BRCA1: variants seen among roughly 807,000 people sequenced by gnomAD.
The protein encoded by BRCA1 is breast cancer type 1 susceptibility protein.
Under a neutral mutation model 173.7 loss-of-function variants are expected in BRCA1, and 140 were observed. The observed-to-expected ratio is 0.81, with a 90% CI of 0.70 to 0.93. The LOEUF (loss-of-function observed/expected upper bound fraction) is 0.93. Ranked by LOEUF, BRCA1 falls within the 40% of genes least tolerant of loss-of-function variation. The probability of loss-of-function intolerance (pLI) is 0.00; values close to 1 mark genes in which losing one functional copy is unlikely to be tolerated. For missense variants in BRCA1, 1,983 were observed against 2,172.5 expected, an observed-to-expected ratio of 0.91 and a Z score of 1.73; for synonymous variants, 662 against 756.0, an observed-to-expected ratio of 0.88 and a Z score of 2.04.
chr17:43,061,504 G>A (rs978653367), intron 18 of BRCA1, among the ~76,000 whole-genome samples: 2 of 151,664 alleles, frequency 1.3e-5, no homozygotes, highest in African/African-American at 4.8e-5. Flanking sequence ...AATAGCCACT[G>A]AATAAAAGTT....
intron 12 of BRCA1, among the ~76,000 whole-genome samples, chr17:43,080,196 T>A (rs1197988095): frequency 1.3e-5 from 2 of 152,202 alleles, no homozygotes; most frequent in Admixed American, 1.3e-4. Context: ...ACCAAACATT[T>A]AATAAACTTA....
At chr17:43,062,046 AAC>A (rs1441010508) in intron 18 of BRCA1, among the ~76,000 whole-genome samples, 4 of 152,090 alleles carry the variant, frequency 2.6e-5, no homozygotes, top group African/African-American at 9.7e-5. Flanking sequence ...CTGAATTATA[AAC>A]AGATACATTT....
At position 43,057,356 on chromosome 17, in the gene BRCA1, A is replaced by G. The variant is rs111611613; in HGVS notation, c.5194-221T>C. 4.7e-3 allele frequency among the ~76,000 whole-genome samples: 708 copies of G among 152,056 alleles called. 10 individuals carry two copies. The highest frequency in any genetic ancestry group is 0.016 in the African/African-American group (656 of 41,480). ...GAAACCTCATCTCTACTAAAAATAC[A>G]AAAAATTAGTTGGGCGTGGTGGCAG... is the stretch of plus-strand genomic sequence containing the variant. On this transcript the variant is annotated intron_variant, in intron 18 of 22. Transcript: ENST00000357654.
chr17:43,061,087 C>G (rs2051730341), intron 18 of BRCA1, among the ~76,000 whole-genome samples: 1 of 152,108 alleles, frequency 6.6e-6, no homozygotes, highest in African/African-American at 2.4e-5. Flanking sequence ...GATTGTGCCA[C>G]TGCACTCCAG....
chr17:43,067,740 A>T lies in BRCA1; in HGVS notation c.4987-45T>A, dbSNP rs186304766. ...TCCATTATCATGAGTTACCTCTAGC[A>T]CACAGCTCAGAATACTAGTTATTCC... is the stretch of plus-strand genomic sequence containing the variant. On this transcript the variant is annotated intron_variant, in intron 15 of 22. Coordinates refer to ENST00000357654, the MANE Select transcript of BRCA1 (RefSeq NM_007294.4). The T allele has an allele frequency of 3.4e-6, 5 of 1,468,376 alleles. No individual in the cohort carries two copies. The Admixed American group carries it at 6.7e-5, about 20-fold the overall frequency. The allele number at this position is 1,468,376 out of a possible 1,614,324, so 91.0% of individuals were successfully genotyped here.
intron 1 of BRCA1, among the ~76,000 whole-genome samples, chr17:43,137,499 G>C (rs554991956): frequency 2.0e-5 from 3 of 151,884 alleles, no homozygotes; most frequent in Admixed American, 6.6e-5. Context: ...GCGAGCGTGT[G>C]AGTTGGAAGG....
At chr17:43,059,750 C>G (rs1487661330) in intron 18 of BRCA1, among the ~76,000 whole-genome samples, 2 of 152,152 alleles carry the variant, frequency 1.3e-5, no homozygotes, top group Non-Finnish European at 2.9e-5. Flanking sequence ...TTTTAACCAT[C>G]TCCACACCAC....
chr17:43,136,271 T>C (rs568400440), intron 1 of BRCA1, among the ~76,000 whole-genome samples: 11 of 152,260 alleles, frequency 7.2e-5, no homozygotes, highest in African/African-American at 1.9e-4. Flanking sequence ...TTACACCTTA[T>C]ACAAAAATTA....
upstream of BRCA1, among the ~76,000 whole-genome samples, chr17:43,128,933 C>T (rs923401695): frequency 6.6e-6 from 1 of 151,630 alleles, no homozygotes; most frequent in Admixed American, 6.6e-5. Context: ...GCTGGGATTA[C>T]AGGCATGAGC....
chr17:43,078,886 C>T (rs544293039), intron 12 of BRCA1, among the ~76,000 whole-genome samples: 36 of 152,156 alleles, frequency 2.4e-4, no homozygotes, highest in African/African-American at 7.0e-4. Context: ...CCATATCAAA[C>T]GGAATTAACC....
chr17:43,145,020 C>T (rs1444790369), intron 1 of BRCA1: 4 of 708,586 alleles, frequency 5.6e-6, no homozygotes, highest in East Asian at 3.2e-5. Context: ...AGGAGATCAG[C>T]GCAATTGTCA....
chr17:43,060,726 C>T (rs2051714141), intron 18 of BRCA1, among the ~76,000 whole-genome samples: 2 of 151,454 alleles, frequency 1.3e-5, no homozygotes, highest in Admixed American at 6.6e-5. Flanking sequence ...AGGCTGGTCT[C>T]GAACTCCTGA....
rs1555580852 is a variant in BRCA1, at chr17:43,071,084, A to G, written c.4830T>C (p.Ser1610=). ...LKVPQLKVAE[S]AQSPAAAHTT... ...TATGAGCAGCAGCTGGACTCTGGGC[A>G]GATTCTGCAACTTTCAATTGGGGAA... is the stretch of plus-strand genomic sequence containing the variant. Residue 1610 remains serine, a synonymous_variant, in exon 15 of 23, where the codon TCT becomes TCC. Coordinates refer to ENST00000357654, the MANE Select transcript of BRCA1 (RefSeq NM_007294.4). The G allele has an allele frequency of 6.2e-7, 1 of 1,614,200 alleles. No homozygotes were observed. The highest frequency in any genetic ancestry group is 8.5e-7 in the Non-Finnish European group (1 of 1,180,024).
intron 2 of BRCA1, chr17:43,119,324 C>T: frequency 4.5e-6 from 1 of 220,838 alleles, no homozygotes; most frequent in Admixed American, 5.8e-5. Flanking sequence ...GGACAGTAAC[C>T]TTATTGTGAA....
chr17:43,052,695 T>C (rs182311956), intron 19 of BRCA1, among the ~76,000 whole-genome samples: 3 of 150,626 alleles, frequency 2.0e-5, no homozygotes, highest in Non-Finnish European at 4.4e-5. Flanking sequence ...GAGACTGCGA[T>C]AGAGAAAAAA....
chr17:43,102,117 C>T (rs953328701), intron 6 of BRCA1, among the ~76,000 whole-genome samples: 1 of 151,530 alleles, frequency 6.6e-6, no homozygotes, highest in Non-Finnish European at 1.5e-5. Context: ...GTCGCCCAGG[C>T]TGGATCGCAG....
At chr17:43,114,975 T>C (rs911271778) in intron 3 of BRCA1, among the ~76,000 whole-genome samples, 1 of 152,196 alleles carries the variant, frequency 6.6e-6, no homozygotes, top group African/African-American at 2.4e-5. Flanking sequence ...TAAATGAATT[T>C]TGGCCTAAAT....
Position 43,045,668 on chromosome 17 carries a change from C to T in BRCA1, c.*10G>A. 6.2e-7 allele frequency: 1 copy of T among 1,613,580 alleles called. No homozygotes were observed. Among genetic ancestry groups the T allele is most frequent in the Non-Finnish European group, 8.5e-7 (1 of 1,179,682 alleles). ...GGGTCCTGTGGCTCTGTACCTGTGG[C>T]TGGCTGCAGTCAGTAGTGGCTGTGG... On this transcript the variant is annotated 3_prime_UTR_variant, in exon 23 of 23. Transcript: ENST00000357654.
chr17:43,074,983 G>A (rs949516093), intron 13 of BRCA1, among the ~76,000 whole-genome samples: 8 of 149,268 alleles, frequency 5.4e-5, no homozygotes, highest in African/African-American at 2.0e-4. Context: ...AAAAGGAAGG[G>A]AGGAAGGAAA....
Sources: gnomAD v4.1 joint callset for allele counts (sites outside exome capture counted in the v4.1 genomes callset) on GRCh38, gnomAD v4.1.1 for gene constraint, MANE v1.5 for transcripts, NCBI Gene and HGNC (gene_info 2026-07-23, HGNC 2026-07-21) for gene names.